SATB1: variants seen among roughly 807,000 people sequenced by gnomAD.
The protein encoded by SATB1 is SATB homeobox 1, also known as DNA-binding protein SATB1.
SATB1 carries 11 observed loss-of-function variants against 86.9 expected under a neutral mutation model. The observed-to-expected ratio is 0.13, with a 90% CI of 0.08 to 0.21. The LOEUF is 0.21. Ranked by LOEUF, SATB1 falls within the 10% of genes least tolerant of loss-of-function variation. The probability of loss-of-function intolerance (pLI) is 1.00; values close to 1 mark genes in which losing one functional copy is unlikely to be tolerated. For missense variants in SATB1, 551 were observed against 937.6 expected, an observed-to-expected ratio of 0.59 and a Z score of 5.39; for synonymous variants, 357 against 357.2, an observed-to-expected ratio of 1.00 and a Z score of 0.01.
At position 18,444,514 on chromosome 3, in the gene SATB1, C is replaced by G. The variant is rs1357280462; in HGVS notation, c.-25+1004G>C. 2.2e-6 allele frequency: 2 copies of G among 915,810 alleles called. No individual in the cohort carries two copies. The highest frequency in any genetic ancestry group is 2.6e-6 in the Non-Finnish European group (2 of 766,808). The allele number at this position is 915,810 out of a possible 1,614,324, so 56.7% of individuals were successfully genotyped here. ...AATAGGGGACGAGGAGTGGGTGCTA[C>G]GGAGAAGTTTGGATTGATTCCGGAA... On this transcript the variant is annotated intron_variant, in intron 1 of 3. Transcript: ENST00000415069. The surrounding 1 kb of genome is among the most constrained non-coding windows in gnomAD (Gnocchi z 5.1).
intron 5 of SATB1, among the ~76,000 whole-genome samples, chr3:18,410,331 T>A (rs1697766401): frequency 6.6e-6 from 1 of 152,058 alleles, no homozygotes; most frequent in Non-Finnish European, 1.5e-5. Flanking sequence ...TTGTCTTTTT[T>A]AAACTTCCTT....
At position 18,362,073 on chromosome 3, in the gene SATB1, G is replaced by C. The variant is rs575782381; in HGVS notation, c.1576-9878C>G. Among the ~76,000 whole-genome samples, 126 of 151,942 alleles carry C rather than the reference G, an allele frequency of 8.3e-4. 1 individual carries two copies. Among genetic ancestry groups the C allele is most frequent in the Admixed American group, 3.2e-3 (49 of 15,250 alleles). ...TTTAACTAAAAATCTAACTTTTCTT[G>C]TCTGTCTCTTCCATAACTGATGAAT... On this transcript the variant is annotated intron_variant, in intron 9 of 10. Coordinates refer to ENST00000338745, the MANE Select transcript of SATB1 (RefSeq NM_002971.6).
intron 9 of SATB1, among the ~76,000 whole-genome samples, chr3:18,373,914 A>G (rs1695601078): frequency 6.6e-6 from 1 of 152,190 alleles, no homozygotes; most frequent in African/African-American, 2.4e-5. Context: ...CAACTCAGAG[A>G]CTGCAAAAAT....
Position 18,420,899 on chromosome 3 carries a change from C to G in SATB1, c.69G>C (p.Pro23=), listed in dbSNP as rs145976997. 5 of 1,614,084 alleles carry G rather than the reference C, an allele frequency of 3.1e-6. No individual in the cohort carries two copies. In the Admixed American group the frequency reaches 5.0e-5, roughly 16 times the overall value. Residue 23 remains proline, a synonymous_variant, in exon 2 of 11, where the codon CCG becomes CCC. Transcript: ENST00000338745. ...GGGCAATCTTGGCTGGTGGACCCTT[C>G]GGATCACTCACATTGTTAGACATTT... The part of the protein sequence containing the change: ...HSEMSNNVSD[P]KGPPAKIARL...
At chr3:18,381,505 TC>T (rs1413828557) in intron 8 of SATB1, among the ~76,000 whole-genome samples, 1 of 152,164 alleles carries the variant, frequency 6.6e-6, no homozygotes, top group Non-Finnish European at 1.5e-5. Flanking sequence ...TTGAGAAAAC[TC>T]CGTTAAAACA....
chr3:18,360,436 G>C (rs532528135), intron 9 of SATB1, among the ~76,000 whole-genome samples: 1 of 151,992 alleles, frequency 6.6e-6, no homozygotes, highest in South Asian at 2.1e-4. Context: ...AAATCTGTTG[G>C]GCTATTTATT....
chr3:18,430,529 T>C (rs6802662), intron 2 of SATB1, among the ~76,000 whole-genome samples: 11,613 of 152,170 alleles, frequency 0.076, 631 homozygotes, highest in South Asian at 0.13. Context: ...CTTACCCCTG[T>C]ACCTATATTA....
At chr3:18,390,010 G>A (rs932255816) in intron 7 of SATB1, among the ~76,000 whole-genome samples, 8 of 152,050 alleles carry the variant, frequency 5.3e-5, no homozygotes, top group Non-Finnish European at 1.5e-5. Flanking sequence ...ATTTACTGCT[G>A]AATTCCTAAA....
rs1213293354 is a variant in SATB1 at position 18,386,677 on chromosome 3, C to T, written c.1207-66G>A. ...CTTTGCCTGGCCAGCAGTGATCCTTCCCTTTTCTTCTCCACTCTGTTTAGA... is the reference window on the plus strand; with the variant it reads ...CTTTGCCTGGCCAGCAGTGATCCTTTCCTTTTCTTCTCCACTCTGTTTAGA... On this transcript the variant is annotated intron_variant, in intron 7 of 10. Coordinates refer to ENST00000338745, the MANE Select transcript of SATB1 (RefSeq NM_002971.6). The surrounding 1 kb of genome is among the most constrained non-coding windows in gnomAD (Gnocchi z 4.5). The T allele has an allele frequency of 7.9e-7, 1 of 1,258,094 alleles. No individual in the cohort carries two copies. The highest frequency in any genetic ancestry group is 1.2e-6 in the Non-Finnish European group (1 of 861,390). The allele number at this position is 1,258,094 out of a possible 1,614,324, so 77.9% of individuals were successfully genotyped here.
chr3:18,413,221 CATG>C (rs1376717476), intron 5 of SATB1, among the ~76,000 whole-genome samples: 1 of 152,012 alleles, frequency 6.6e-6, no homozygotes, highest in Non-Finnish European at 1.5e-5. Flanking sequence ...ATTCATTTTC[CATG>C]ATAACATTAA....
intron 9 of SATB1, among the ~76,000 whole-genome samples, chr3:18,374,053 T>G (rs1214987245): frequency 6.6e-6 from 1 of 152,172 alleles, no homozygotes; most frequent in Non-Finnish European, 1.5e-5. Flanking sequence ...GCAGTGTGGT[T>G]CTGTGAAAGC....
chr3:18,399,080 CT>C (rs1697112007), intron 5 of SATB1, among the ~76,000 whole-genome samples: 1 of 152,162 alleles, frequency 6.6e-6, no homozygotes, highest in Non-Finnish European at 1.5e-5. Context: ...TACTCTTTAT[CT>C]AGACATTCTG....
At chr3:18,440,072 G>A (rs1441012186), upstream of SATB1, among the ~76,000 whole-genome samples, 3 of 152,128 alleles carry the variant, frequency 2.0e-5, no homozygotes, top group Non-Finnish European at 4.4e-5. Context: ...TCTAAGACTT[G>A]GAAGAGGAGA....
At chr3:18,365,118 T>A (rs934721474) in intron 9 of SATB1, among the ~76,000 whole-genome samples, 5 of 152,310 alleles carry the variant, frequency 3.3e-5, no homozygotes, top group Non-Finnish European at 5.9e-5. Flanking sequence ...AAATGATGGT[T>A]CTACAGCTTA....
rs191743228 is a variant in SATB1 at position 18,376,064 on chromosome 3, T to C, written c.1575+2106A>G. Among the ~76,000 whole-genome samples, 392 of 152,222 alleles carry C rather than the reference T, an allele frequency of 2.6e-3. 1 individual carries two copies. The highest frequency in any genetic ancestry group is 4.7e-3 in the Non-Finnish European group (321 of 68,020). ...AAATAGAGACCCATGAGGAGCTGTG[T>C]AGGACAGGGTAACAAAGAGCAGGGA... On this transcript the variant is annotated intron_variant, in intron 9 of 10. Transcript: ENST00000338745.
At position 18,445,392 on chromosome 3, in the gene SATB1, G is replaced by A. The variant is rs573211944; in HGVS notation, c.-25+126C>T. 7.5e-4 allele frequency: 739 copies of A among 985,154 alleles called. 2 individuals carry two copies. The African/African-American group carries it at 0.012, about 16-fold the overall frequency. 61.0% of individuals were successfully genotyped at this position (985,154 alleles called of 1,614,324 possible). A position where few individuals can be genotyped will look rare whatever the true frequency, so the allele number is the denominator to read the frequency against. ...GGGCCGGAGGGGCGAGGGCGGGCCA[G>A]GGGGCGCACACGGGGGTTGGCGCGG... On this transcript the variant is annotated intron_variant, in intron 1 of 3. Coordinates refer to the SATB1 transcript ENST00000415069.
chr3:18,417,766 G>T, intron 2 of SATB1: 1 of 671,160 alleles, frequency 1.5e-6, no homozygotes, highest in South Asian at 1.6e-5. Context: ...ACTAAAAAGA[G>T]AGCACGGTAC....
chr3:18,417,578 T>C, intron 2 of SATB1: 1 of 646,774 alleles, frequency 1.5e-6, no homozygotes, highest in Non-Finnish European at 2.7e-6. Flanking sequence ...TTTCTTCCTT[T>C]TTTAGATATT....
At chr3:18,428,997 G>GT (rs527824975), upstream of SATB1, among the ~76,000 whole-genome samples, 114 of 151,388 alleles carry the variant, frequency 7.5e-4, no homozygotes, top group Admixed American at 1.3e-3. Context: ...CTAAGGACAT[G>GT]TTTTTTTTTC....
Sources: allele counts gnomAD v4.1 joint callset (sites outside exome capture counted in the v4.1 genomes callset), GRCh38; gene constraint gnomAD v4.1.1; non-coding constraint Gnocchi (gnomAD v3.1); transcripts MANE v1.5; gene names NCBI Gene and HGNC (gene_info 2026-07-23, HGNC 2026-07-21).